Variants in GMDS observed in about 807,000 individuals in gnomAD.
The protein encoded by GMDS is GDP-mannose 4,6 dehydratase.
In GMDS, 20 loss-of-function variants were observed where a neutral mutation model predicts 49.9. That is an observed-to-expected ratio of 0.40 (90% CI 0.28 to 0.58). The LOEUF (loss-of-function observed/expected upper bound fraction) is 0.58, where lower values mean the gene tolerates loss of function less well. Ranked by LOEUF, GMDS falls within the 20% of genes least tolerant of loss-of-function variation. GMDS has a pLI of 0.42. For synonymous variants in GMDS, 177 were observed against 178.6 expected (o/e 0.99, Z 0.07); for missense variants, 362 against 481.4 (o/e 0.75, Z 2.32).
At chr6:2,075,656 T>C (rs2127462970) in intron 4 of GMDS, among the ~76,000 whole-genome samples, 1 of 152,306 alleles carries the variant, frequency 6.6e-6, no homozygotes, top group South Asian at 2.1e-4. Flanking sequence ...CAGTCTATCA[T>C]TGTTGGACAT....
chr6:2,245,307 G>T lies in GMDS; in HGVS notation c.102+14C>A. 1 of 1,513,484 alleles carries T rather than the reference G, an allele frequency of 6.6e-7. No homozygotes were observed. The highest frequency in any genetic ancestry group is 8.9e-7 in the Non-Finnish European group (1 of 1,124,908). 93.8% of individuals were successfully genotyped at this position (1,513,484 alleles called of 1,614,324 possible). On this transcript the variant is annotated intron_variant, in intron 1 of 10. Coordinates refer to ENST00000380815, the MANE Select transcript of GMDS (RefSeq NM_001500.4). ...AGGCTGCCTCGGCCGGCGCGCCCCC[G>T]CCCCCGCACTCACCTGGCCTGTGAT...
At chr6:2,206,695 C>T (rs552289613) in intron 1 of GMDS, among the ~76,000 whole-genome samples, 165 of 152,324 alleles carry the variant, frequency 1.1e-3, no homozygotes, top group African/African-American at 3.9e-3. Flanking sequence ...CTGGGCCCCA[C>T]CCCTCAGAGC....
chr6:1,889,667 T>C (rs541004498), intron 7 of GMDS, among the ~76,000 whole-genome samples: 12 of 152,320 alleles, frequency 7.9e-5, no homozygotes, highest in South Asian at 2.1e-4. Flanking sequence ...TACAAACAGA[T>C]TGATTTTAGT....
chr6:1,624,606 C>G (rs1762788497), intron 9 of GMDS, 66 bp from the exon 10 acceptor site: 1 of 1,118,954 alleles, frequency 8.9e-7, no homozygotes, highest in Admixed American at 1.9e-5. Context: ...AGGTCCCGAG[C>G]CCCGGGAACT....
At chr6:2,016,596 G>A (rs1767914891) in intron 4 of GMDS, among the ~76,000 whole-genome samples, 1 of 152,122 alleles carries the variant, frequency 6.6e-6, no homozygotes, top group Non-Finnish European at 1.5e-5. Flanking sequence ...ACTAATGGAC[G>A]ATTAATGAAC....
chr6:1,679,785 A>G (rs1182805578), intron 9 of GMDS: 1 of 152,246 alleles, frequency 6.6e-6, no homozygotes, highest in African/African-American at 2.4e-5. Flanking sequence ...GGAACTTCAA[A>G]GGAATTCCAG....
chr6:1,645,371 G>A (rs1488140347), intron 9 of GMDS, among the ~76,000 whole-genome samples: 1 of 152,130 alleles, frequency 6.6e-6, no homozygotes, highest in African/African-American at 2.4e-5. Flanking sequence ...ACCCATCAGC[G>A]CTAAAATATC....
chr6:1,708,156 C>T (rs1765804911), intron 9 of GMDS, among the ~76,000 whole-genome samples: 1 of 152,192 alleles, frequency 6.6e-6, no homozygotes, highest in African/African-American at 2.4e-5. Flanking sequence ...CCTCCTGGGG[C>T]TCTGAGGGCC....
chr6:2,099,642 T>C (rs1773810855), intron 4 of GMDS, among the ~76,000 whole-genome samples: 1 of 152,080 alleles, frequency 6.6e-6, no homozygotes, highest in Non-Finnish European at 1.5e-5. Context: ...ATTAACAGTA[T>C]GACCAAAAGC....
At chr6:2,198,288 T>A (rs563539443) in intron 1 of GMDS, among the ~76,000 whole-genome samples, 44 of 152,306 alleles carry the variant, frequency 2.9e-4, no homozygotes, top group African/African-American at 1.1e-3. Flanking sequence ...TACATGTAAT[T>A]CCTGAAGAAG....
chr6:2,111,464 A>G (rs1774540649), intron 4 of GMDS, among the ~76,000 whole-genome samples: 1 of 152,120 alleles, frequency 6.6e-6, no homozygotes, highest in African/African-American at 2.4e-5. Flanking sequence ...TATTTCCCAG[A>G]CTTCTGTGGG....
rs550958431 is a variant in GMDS, at chr6:1,837,491, G to A, written c.771+92612C>T. Among the ~76,000 whole-genome samples the A allele has an allele frequency of 5.3e-5, 8 of 152,186 alleles. No individual in the cohort carries two copies. The East Asian group carries it at 5.8e-4, about 11-fold the overall frequency. On this transcript the variant is annotated intron_variant, in intron 7 of 10. Transcript: ENST00000380815. The stretch of plus-strand genomic sequence containing the variant: ...TTGCATACACGATGCTTAATGGCAC[G>A]ACTCAAAGTGTTGGTAAGTGTGGTG...
intron 4 of GMDS, among the ~76,000 whole-genome samples, chr6:2,012,130 G>T (rs2127394882): frequency 6.6e-6 from 1 of 152,158 alleles, no homozygotes; most frequent in East Asian, 1.9e-4. Context: ...AGGGGGGTGA[G>T]GGATGAGAAA....
chr6:1,659,843 A>G (rs1377912750), intron 9 of GMDS, among the ~76,000 whole-genome samples: 1 of 151,080 alleles, frequency 6.6e-6, no homozygotes, highest in African/African-American at 2.4e-5. Flanking sequence ...GATGATCATA[A>G]TTGTTACATA....
At chr6:1,786,989 A>T (rs1769351782) in intron 7 of GMDS, among the ~76,000 whole-genome samples, 1 of 152,188 alleles carries the variant, frequency 6.6e-6, no homozygotes, top group African/African-American at 2.4e-5. Flanking sequence ...CCCACAGCCA[A>T]GGGCCCATCA....
At chr6:2,150,703 A>G (rs1021040293) in intron 1 of GMDS, among the ~76,000 whole-genome samples, 1 of 152,206 alleles carries the variant, frequency 6.6e-6, no homozygotes, top group Non-Finnish European at 1.5e-5. Flanking sequence ...TATTTAAAAG[A>G]TGGGGTGTTT....
intron 7 of GMDS, among the ~76,000 whole-genome samples, chr6:1,779,057 C>G (rs1267438936): frequency 7.9e-5 from 12 of 152,026 alleles, no homozygotes; most frequent in Non-Finnish European, 1.8e-4. Context: ...AAGTGGGGGT[C>G]TCAAGAGAAA....
rs1281660304 is a variant in GMDS, at chr6:1,827,065, TAA to T, written c.772-84481_772-84480del. Among the ~76,000 whole-genome samples the T allele has an allele frequency of 6.2e-5, 8 of 128,920 alleles. No individual in the cohort carries two copies. In the South Asian group the frequency reaches 8.7e-4, roughly 14 times the overall value. 84.6% of individuals were successfully genotyped at this position (128,920 alleles called of 152,430 possible). ...TAAGCAGAAGAGCTACGCTGTCTCT[TAA>T]AAAAATATATATGTGTGTGTGTGTG... is the stretch of plus-strand genomic sequence containing the variant. On this transcript the variant is annotated intron_variant, in intron 7 of 10. Coordinates refer to ENST00000380815, the MANE Select transcript of GMDS (RefSeq NM_001500.4).
At chr6:1,993,737 TAA>T (rs111826936) in intron 4 of GMDS, among the ~76,000 whole-genome samples, 2 of 145,382 alleles carry the variant, frequency 1.4e-5, no homozygotes, top group African/African-American at 2.5e-5. Context: ...ACTCCTTCTC[TAA>T]AAAAAAAAAA....
Sources: gnomAD v4.1 joint callset for allele counts (sites outside exome capture counted in the v4.1 genomes callset) on GRCh38, gnomAD v4.1.1 for gene constraint, MANE v1.5 for transcripts, NCBI Gene and HGNC (gene_info 2026-07-23, HGNC 2026-07-21) for gene names.